Variants in PYGL observed in about 807,000 individuals in gnomAD.
The protein encoded by PYGL is glycogen phosphorylase L.
PYGL carries 90 observed loss-of-function variants against 100.1 expected under a neutral mutation model. That is an observed-to-expected ratio of 0.90 (90% CI 0.76 to 1.07). The LOEUF (loss-of-function observed/expected upper bound fraction) is 1.07. Among genes scored for constraint, PYGL ranks in the 50% least tolerant of loss-of-function variants. The pLI is 0.00. For missense variants in PYGL, 1,016 were observed against 1,057.6 expected, an observed-to-expected ratio of 0.96 and a Z score of 0.55; for synonymous variants, 373 against 393.0, an observed-to-expected ratio of 0.95 and a Z score of 0.60.
intron 1 of PYGL, 151 bp downstream of exon 1, chr14:50,944,010 C>T (rs575365777): frequency 1.3e-5 from 14 of 1,115,168 alleles, no homozygotes; most frequent in South Asian, 1.2e-4. Context: ...AGGCTGCCCG[C>T]CCACAGCCTA....
In PYGL at chr14:50,916,913, A is replaced by T. The variant is rs772600094; in HGVS notation, c.999+49T>A. 2.5e-6 allele frequency: 4 copies of T among 1,598,530 alleles called. No homozygotes were observed. The South Asian group carries it at 3.3e-5, about 13-fold the overall frequency. The stretch of plus-strand genomic sequence containing the variant: ...AGGAATTAATCTGATAGGAAATCCC[A>T]GTCAATCCCTCAGTGGACCCTAACT... On this transcript the variant is annotated intron_variant, in intron 8 of 19. Coordinates refer to ENST00000216392, the MANE Select transcript of PYGL (RefSeq NM_002863.5).
intron 7 of PYGL, among the ~76,000 whole-genome samples, chr14:50,918,035 A>G (rs2050469638): frequency 6.6e-6 from 1 of 152,226 alleles, no homozygotes; most frequent in Non-Finnish European, 1.5e-5. Flanking sequence ...TGAATAGACA[A>G]TTCTCAAAAG....
At chr14:50,924,180 T>G in intron 4 of PYGL, 80 bp from the exon 5 acceptor site, 1 of 1,490,648 alleles carries the variant, frequency 6.7e-7, no homozygotes, top group East Asian at 2.4e-5. Flanking sequence ...TATATTAAAT[T>G]TAAAACATCT....
chr14:50,943,437 C>A (rs1197131159), intron 1 of PYGL, among the ~76,000 whole-genome samples: 1 of 152,276 alleles, frequency 6.6e-6, no homozygotes, highest in East Asian at 1.9e-4. Context: ...CCTTCCTCAG[C>A]AGCTCTGGGG....
chr14:50,931,526 G>A (rs1332287727), intron 4 of PYGL, 147 bp downstream of exon 4: 7 of 706,842 alleles, frequency 9.9e-6, no homozygotes, highest in Non-Finnish European at 1.2e-5. Flanking sequence ...GAAGTGGGAA[G>A]ATGGATAGAT....
In PYGL at chr14:50,910,111, A is replaced by T; in HGVS notation, c.1970-9T>A. ...ATCTGTGGCTGGAATGACTGCAAGAAAGGTAAGTTAAAATTAGTAATTTTG... is the reference window on the plus strand; with the variant it reads ...ATCTGTGGCTGGAATGACTGCAAGATAGGTAAGTTAAAATTAGTAATTTTG... On this transcript the variant is annotated splice_polypyrimidine_tract_variant and intron_variant, in intron 16 of 19. Coordinates refer to ENST00000216392, the MANE Select transcript of PYGL (RefSeq NM_002863.5). 6.2e-7 allele frequency: 1 copy of T among 1,609,938 alleles called. No homozygotes were observed. The highest frequency in any genetic ancestry group is 1.7e-4 in the Middle Eastern group (1 of 6,058).
At position 50,937,773 on chromosome 14, in the gene PYGL, A is replaced by C; in HGVS notation, c.308T>G (p.Leu103Arg). Residue 103 changes from leucine (L) to arginine (R), a missense_variant, in exon 2 of 20, where the codon CTC becomes CGC. Transcript: ENST00000216392. ...CTCATCACAGGCATTTTGCAGACCGAGGTTGATCATGGTGTTCTGTAATGT... is the reference window on the plus strand; with the variant it reads ...CTCATCACAGGCATTTTGCAGACCGCGGTTGATCATGGTGTTCTGTAATGT... ...GRTLQNTMINLGLQNACDEAI... is the reference protein window; with the variant it reads ...GRTLQNTMINRGLQNACDEAI... 6.2e-7 allele frequency: 1 copy of C among 1,614,118 alleles called. No homozygotes were observed. Among genetic ancestry groups the C allele is most frequent in the Non-Finnish European group, 8.5e-7 (1 of 1,179,970 alleles).
chr14:50,908,624 T>C (rs573649279), intron 18 of PYGL, among the ~76,000 whole-genome samples, 197 bp downstream of exon 18: 7 of 152,318 alleles, frequency 4.6e-5, no homozygotes, highest in African/African-American at 1.7e-4. Flanking sequence ...GCATCGCTGG[T>C]GGAGAATATC....
intron 11 of PYGL, 136 bp from the exon 12 acceptor site, chr14:50,914,951 G>A (rs1489189453): frequency 1.8e-5 from 13 of 728,932 alleles, no homozygotes; most frequent in Middle Eastern, 3.5e-4. Context: ...GGGACAGGCT[G>A]ACAGTAGCTA....
At chr14:50,936,932 C>G (rs764932586) in intron 2 of PYGL, among the ~76,000 whole-genome samples, 1 of 152,050 alleles carries the variant, frequency 6.6e-6, no homozygotes, top group Non-Finnish European at 1.5e-5. Context: ...ATGGAGAGGA[C>G]CTGCAGGGGT....
intron 4 of PYGL, among the ~76,000 whole-genome samples, chr14:50,929,133 C>G (rs1240038176): frequency 6.6e-6 from 1 of 152,148 alleles, no homozygotes; most frequent in East Asian, 1.9e-4. Context: ...TCATTGCAAC[C>G]TCCATCTCCC....
rs977658593 is a variant in PYGL at position 50,908,458 on chromosome 14, C to T, written c.2313-121G>A. The T allele has an allele frequency of 9.5e-6, 9 of 948,864 alleles. No homozygotes were observed. In the African/African-American group the frequency reaches 1.5e-4, roughly 16 times the overall value. The allele number at this position is 948,864 out of a possible 1,614,324, so 58.8% of individuals were successfully genotyped here. A position where few individuals can be genotyped will look rare whatever the true frequency, so the allele number is the denominator to read the frequency against. On this transcript the variant is annotated intron_variant, in intron 18 of 19. Transcript: ENST00000216392. ...TCAGGCATGGCTGGTTTACCAAATT[C>T]ATATTTCTGTTTGTAAGACTTTTAA...
chr14:50,931,888 A>C, intron 3 of PYGL, 112 bp from the exon 4 acceptor site: 1 of 821,938 alleles, frequency 1.2e-6, no homozygotes, highest in African/African-American at 1.7e-5. Context: ...GAAGAACCAC[A>C]TTTGTATTCT....
chr14:50,917,116 G>T lies in PYGL; in HGVS notation c.856-11C>A. ...CTTCCCTTCAAAAAACTTCAAGCCA[G>T]AGAGATAGAATAAAAATGGTTCATA... On this transcript the variant is annotated splice_polypyrimidine_tract_variant and intron_variant, in intron 7 of 19. Transcript: ENST00000216392. The T allele has an allele frequency of 6.2e-7, 1 of 1,612,964 alleles. No homozygotes were observed. Among genetic ancestry groups the T allele is most frequent in the Non-Finnish European group, 8.5e-7 (1 of 1,179,042 alleles).
chr14:50,906,497 A>G (rs941789466), intron 19 of PYGL, among the ~76,000 whole-genome samples: 38 of 152,240 alleles, frequency 2.5e-4, no homozygotes, highest in African/African-American at 9.2e-4. Context: ...TCTCAACAAT[A>G]CAATCATTGT....
intron 9 of PYGL, 59 bp from the exon 10 acceptor site, chr14:50,916,030 C>G (rs1275619341): frequency 2.5e-6 from 4 of 1,606,548 alleles, no homozygotes; most frequent in Non-Finnish European, 3.4e-6. Flanking sequence ...ACTGCACGGG[C>G]CAAACCCTTC....
At chr14:50,918,083 C>T (rs2050470025) in intron 7 of PYGL, among the ~76,000 whole-genome samples, 1 of 152,068 alleles carries the variant, frequency 6.6e-6, no homozygotes, top group South Asian at 2.1e-4. Flanking sequence ...TGAAAAAATG[C>T]TCAATATCAC....
intron 1 of PYGL, among the ~76,000 whole-genome samples, chr14:50,940,840 A>G (rs1425254333): frequency 6.6e-6 from 1 of 152,244 alleles, no homozygotes; most frequent in Non-Finnish European, 1.5e-5. Flanking sequence ...CCCCAGCATT[A>G]GTCAGAGGGC....
Position 50,920,592 on chromosome 14 carries a change from C to T in PYGL, c.804G>A (p.Leu268=), listed in dbSNP as rs2050491139. The T allele has an allele frequency of 1.9e-6, 3 of 1,612,828 alleles. No homozygotes were observed. The highest frequency in any genetic ancestry group is 3.3e-5 in the Admixed American group (2 of 59,992). ...AGATGTTCTCGGCCAGGTTTCGGTC[C>T]AGCACAGCCTGAATGTAGTCTCCAA... is the stretch of plus-strand genomic sequence containing the variant. ...FNVGDYIQAV[L]DRNLAENISR... The change falls in exon 7 of 20, where the codon CTG becomes CTA. Residue 268 remains leucine (L), a synonymous_variant. Coordinates refer to ENST00000216392, the MANE Select transcript of PYGL (RefSeq NM_002863.5).
Sources: allele counts gnomAD v4.1 joint callset (sites outside exome capture counted in the v4.1 genomes callset), GRCh38; gene constraint gnomAD v4.1.1; transcripts MANE v1.5; gene names NCBI Gene and HGNC (gene_info 2026-07-23, HGNC 2026-07-21).